Variants in GPC6 observed in about 807,000 individuals in gnomAD.
The protein encoded by GPC6 is glypican 6.
GPC6 carries 14 observed loss-of-function variants against 55.2 expected under a neutral mutation model. The ratio of observed to expected loss-of-function variants is 0.25; its 90% CI spans 0.17 to 0.40. The LOEUF (loss-of-function observed/expected upper bound fraction) is 0.40. GPC6 is among the 10% of genes least tolerant of loss of function. GPC6 has a pLI of 1.00. For synonymous variants in GPC6, 278 were observed against 259.6 expected (o/e 1.07, Z -0.68); for missense variants, 641 against 708.5 (o/e 0.90, Z 1.08).
chr13:94,396,350 T>C (rs1295312403), intron 7 of GPC6, among the ~76,000 whole-genome samples: 1 of 152,206 alleles, frequency 6.6e-6, no homozygotes, highest in Non-Finnish European at 1.5e-5. Context: ...TTATTGTCTT[T>C]ACTTTAACAT....
intron 2 of GPC6, among the ~76,000 whole-genome samples, chr13:93,582,203 A>G (rs980932710): frequency 1.3e-5 from 2 of 152,222 alleles, no homozygotes; most frequent in Admixed American, 6.5e-5. Flanking sequence ...ATAAAATTCT[A>G]TGCAGATATT....
At chr13:93,736,370 G>A (rs1049289186) in intron 2 of GPC6, among the ~76,000 whole-genome samples, 1 of 152,146 alleles carries the variant, frequency 6.6e-6, no homozygotes, top group Admixed American at 6.5e-5. Context: ...CTGCTATTAT[G>A]TTTCATTGCC....
In GPC6 at chr13:93,631,966, G is replaced by T. The variant is rs73543538; in HGVS notation, c.319+86545G>T. Among the ~76,000 whole-genome samples the T allele has an allele frequency of 0.042, 6,354 of 152,236 alleles. 459 individuals are homozygous for T. Among genetic ancestry groups the T allele is most frequent in the African/African-American group, 0.15 (6,035 of 41,514 alleles). On this transcript the variant is annotated intron_variant, in intron 2 of 8. Coordinates refer to ENST00000377047, the MANE Select transcript of GPC6 (RefSeq NM_005708.5). ...TATCATGTTATACCTCCTTGGCAGA[G>T]CTCTGCTGTGGATGATTGTTGTTGA...
chr13:93,525,794 G>A (rs1206951669), intron 1 of GPC6, among the ~76,000 whole-genome samples: 1 of 152,058 alleles, frequency 6.6e-6, no homozygotes. Flanking sequence ...ATAATAGTAG[G>A]CATTCAATAT....
Position 93,397,849 on chromosome 13 carries a change from A to G in GPC6, c.161-147414A>G, listed in dbSNP as rs151134632. 3.4e-4 allele frequency among the ~76,000 whole-genome samples: 51 copies of G among 151,756 alleles called. 1 individual carries two copies. The Middle Eastern group carries it at 0.014, about 41-fold the overall frequency. ...AGCCTGTCCTTTGCCAAGTATAATT[A>G]TATGGTATTTTATGACCCTGTACAG... On this transcript the variant is annotated intron_variant, in intron 1 of 8. Transcript: ENST00000377047.
intron 8 of GPC6, among the ~76,000 whole-genome samples, chr13:94,402,329 G>A (rs1454775120): frequency 6.6e-6 from 1 of 152,220 alleles, no homozygotes; most frequent in Non-Finnish European, 1.5e-5. Context: ...TTAAACTTAA[G>A]TACTGGCCAG....
At chr13:93,845,690 G>A (rs1296592146) in intron 3 of GPC6, among the ~76,000 whole-genome samples, 4 of 147,760 alleles carry the variant, frequency 2.7e-5, no homozygotes, top group Non-Finnish European at 6.0e-5. Flanking sequence ...GTAGGGACAT[G>A]GATGAAATTG....
intron 2 of GPC6, among the ~76,000 whole-genome samples, chr13:93,711,746 G>A (rs1024777573): frequency 8.6e-5 from 13 of 151,714 alleles, no homozygotes; most frequent in African/African-American, 2.7e-4. Context: ...TTTCTGACAA[G>A]ACCACTGGAT....
intron 6 of GPC6, among the ~76,000 whole-genome samples, chr13:94,339,911 GCACCA>G (rs1877944306): frequency 6.6e-6 from 1 of 151,748 alleles, no homozygotes; most frequent in African/African-American, 2.4e-5. Flanking sequence ...TTACAGGCAT[GCACCA>G]CCACACCCAG....
At chr13:93,356,786 C>A (rs1053196133) in intron 1 of GPC6, among the ~76,000 whole-genome samples, 1 of 152,122 alleles carries the variant, frequency 6.6e-6, no homozygotes, top group African/African-American at 2.4e-5. Context: ...TTTGCAGGAG[C>A]CTTTCAGCTG....
At chr13:93,310,714 A>G (rs1879037177) in intron 1 of GPC6, among the ~76,000 whole-genome samples, 1 of 152,160 alleles carries the variant, frequency 6.6e-6, no homozygotes, top group Non-Finnish European at 1.5e-5. Flanking sequence ...TGCGACTACC[A>G]TGTCCATGGA....
chr13:93,418,993 C>T (rs1360718959), intron 1 of GPC6, among the ~76,000 whole-genome samples: 1 of 150,798 alleles, frequency 6.6e-6, no homozygotes, highest in Non-Finnish European at 1.5e-5. Flanking sequence ...TAGCACTATA[C>T]CATAGTATCA....
chr13:93,730,815 T>C (rs1566507572), intron 2 of GPC6, among the ~76,000 whole-genome samples: 2 of 152,150 alleles, frequency 1.3e-5, no homozygotes, highest in African/African-American at 4.8e-5. Flanking sequence ...TCCTCAGAAC[T>C]TGAGAGTTTT....
rs964413282 is a variant in GPC6, at chr13:93,477,324, A to T, written c.161-67939A>T. Among the ~76,000 whole-genome samples, 12 of 152,306 alleles carry T rather than the reference A, an allele frequency of 7.9e-5. No homozygotes were observed. In the East Asian group the frequency reaches 2.3e-3, roughly 29 times the overall value. ...GTGTAGTTACCTGAATTCTTAAATCATATAAACTGTTTTTTCCATGAATGA... is the reference window on the plus strand; with the variant it reads ...GTGTAGTTACCTGAATTCTTAAATCTTATAAACTGTTTTTTCCATGAATGA... On this transcript the variant is annotated intron_variant, in intron 1 of 8. Coordinates refer to ENST00000377047, the MANE Select transcript of GPC6 (RefSeq NM_005708.5).
intron 4 of GPC6, among the ~76,000 whole-genome samples, chr13:94,117,911 C>A (rs1886489188): frequency 6.6e-6 from 1 of 151,992 alleles, no homozygotes; most frequent in Non-Finnish European, 1.5e-5. Flanking sequence ...AAATTATTTT[C>A]CTGAGGACAT....
At chr13:93,699,312 A>T (rs917651994) in intron 2 of GPC6, among the ~76,000 whole-genome samples, 3 of 152,122 alleles carry the variant, frequency 2.0e-5, no homozygotes, top group Non-Finnish European at 4.4e-5. Flanking sequence ...TAAAAGATAA[A>T]AAGTAGCTTG....
intron 2 of GPC6, among the ~76,000 whole-genome samples, chr13:93,736,216 C>T (rs527460580): frequency 6.6e-6 from 1 of 152,264 alleles, no homozygotes; most frequent in Non-Finnish European, 1.5e-5. Context: ...GCTGAAAGCT[C>T]TCTTGAAACT....
intron 3 of GPC6, among the ~76,000 whole-genome samples, chr13:93,852,105 T>C (rs1888424026): frequency 6.6e-6 from 1 of 151,780 alleles, no homozygotes; most frequent in South Asian, 2.1e-4. Context: ...TGTAATATTC[T>C]GTATTATAAA....
intron 6 of GPC6, among the ~76,000 whole-genome samples, chr13:94,333,455 T>C (rs912602161): frequency 3.2e-4 from 48 of 152,204 alleles, no homozygotes; most frequent in Admixed American, 3.1e-3. Context: ...AACCCAATTT[T>C]AGAAGAGGTA....
Sources: allele counts gnomAD v4.1 joint callset (sites outside exome capture counted in the v4.1 genomes callset), GRCh38; gene constraint gnomAD v4.1.1; transcripts MANE v1.5; gene names NCBI Gene and HGNC (gene_info 2026-07-23, HGNC 2026-07-21).